NYAP2: variants seen among roughly 807,000 people sequenced by gnomAD.
The protein encoded by NYAP2 is neuronal tyrosine-phosphorylated phosphoinositide-3-kinase adapter 2.
Under a neutral mutation model 50.4 loss-of-function variants are expected in NYAP2, and 23 were observed. That is an observed-to-expected ratio of 0.46 (90% CI 0.33 to 0.65). The LOEUF (loss-of-function observed/expected upper bound fraction) is 0.65. Among genes scored for constraint, NYAP2 ranks in the 30% least tolerant of loss-of-function variants. NYAP2 has a pLI of 0.02. For missense variants in NYAP2, 885 were observed against 861.0 expected (o/e 1.03, Z -0.35); for synonymous variants, 394 against 365.2 (o/e 1.08, Z -0.90).
the NYAP2 span, among the ~76,000 whole-genome samples, chr2:225,688,999 C>A: frequency 6.6e-6 from 1 of 152,154 alleles, no homozygotes; most frequent in African/African-American, 2.4e-5. Flanking sequence ...GCCTCAGCCT[C>A]CCAAAGTGCT....
chr2:225,588,962 T>C (rs1263119139), intron 5 of NYAP2, among the ~76,000 whole-genome samples: 1 of 152,220 alleles, frequency 6.6e-6, no homozygotes, highest in Non-Finnish European at 1.5e-5. Flanking sequence ...TCACTTAAAT[T>C]CTTATTTCTG....
chr2:225,636,272 T>G (rs1208303894), intron 6 of NYAP2, among the ~76,000 whole-genome samples: 2 of 152,220 alleles, frequency 1.3e-5, no homozygotes, highest in Non-Finnish European at 2.9e-5. Context: ...GAGTGTTTCC[T>G]GCAGCTCACT....
chr2:225,607,515 G>A (rs374581695), intron 5 of NYAP2, among the ~76,000 whole-genome samples: 2 of 152,216 alleles, frequency 1.3e-5, no homozygotes, highest in East Asian at 1.9e-4. Flanking sequence ...ACTGACTCTA[G>A]CAGCAAGTCT....
intron 3 of NYAP2, 79 bp from the exon 4 acceptor site, chr2:225,513,292 A>G (rs1690865178): frequency 7.8e-7 from 1 of 1,284,360 alleles, no homozygotes; most frequent in Non-Finnish European, 1.1e-6. Flanking sequence ...TTTCCCTATT[A>G]GTAATATTCT....
the NYAP2 span, chr2:225,701,066 G>A: frequency 1.3e-5 from 2 of 151,780 alleles, no homozygotes; most frequent in African/African-American, 4.8e-5. Flanking sequence ...GAAAGATCTG[G>A]AAAAGTGGCT....
intron 5 of NYAP2, among the ~76,000 whole-genome samples, chr2:225,624,728 A>T (rs114382473): frequency 6.6e-6 from 1 of 152,292 alleles, no homozygotes; most frequent in Non-Finnish European, 1.5e-5. Context: ...ACTACTTTTT[A>T]TGTGTCTGGC....
intron 4 of NYAP2, among the ~76,000 whole-genome samples, chr2:225,579,094 G>GGAGAGAGAGAGA (rs34026452): frequency 6.8e-6 from 1 of 147,332 alleles, no homozygotes; most frequent in South Asian, 2.2e-4. Context: ...AGAAGAGAGG[G>GGAGAGAGAGAGA]GAGAGAGAGA....
intron 3 of NYAP2, among the ~76,000 whole-genome samples, chr2:225,500,722 C>A (rs761761671): frequency 2.0e-5 from 3 of 152,148 alleles, no homozygotes; most frequent in Non-Finnish European, 4.4e-5. Flanking sequence ...ACTTTTTTAT[C>A]TCAGTCTTCT....
intron 4 of NYAP2, among the ~76,000 whole-genome samples, chr2:225,576,753 CT>C (rs1276748897): frequency 6.6e-6 from 1 of 152,076 alleles, no homozygotes; most frequent in East Asian, 1.9e-4. Context: ...TAGCTTTTTC[CT>C]TTATGGGTTT....
the NYAP2 span, among the ~76,000 whole-genome samples, chr2:225,675,227 A>G: frequency 1.3e-5 from 2 of 152,046 alleles, no homozygotes; most frequent in Admixed American, 6.6e-5. Flanking sequence ...TGAGGTCCCA[A>G]TGATCCCATC....
At chr2:225,666,573 C>CAACA in the NYAP2 span, among the ~76,000 whole-genome samples, 1 of 151,964 alleles carries the variant, frequency 6.6e-6, no homozygotes, top group Non-Finnish European at 1.5e-5. Context: ...AGGTAAATTT[C>CAACA]AACATTTTTT....
At chr2:225,676,730 A>G in the NYAP2 span, among the ~76,000 whole-genome samples, 1 of 152,184 alleles carries the variant, frequency 6.6e-6, no homozygotes, top group Non-Finnish European at 1.5e-5. Context: ...ACATGTGGAA[A>G]TTATGGGAGC....
At chr2:225,433,713 A>G (rs1200667219) in intron 3 of NYAP2, among the ~76,000 whole-genome samples, 2 of 144,812 alleles carry the variant, frequency 1.4e-5, no homozygotes, top group African/African-American at 5.1e-5. Flanking sequence ...GCTACTCAGG[A>G]GGCTGAGGCA....
At chr2:225,574,744 A>G (rs1177659879) in intron 4 of NYAP2, among the ~76,000 whole-genome samples, 1 of 152,160 alleles carries the variant, frequency 6.6e-6, no homozygotes, top group Admixed American at 6.5e-5. Context: ...ACTTAAGGCT[A>G]TGGTCAGTGC....
chr2:225,434,411 C>A (rs1265208809), intron 3 of NYAP2, among the ~76,000 whole-genome samples: 1 of 152,162 alleles, frequency 6.6e-6, no homozygotes, highest in Non-Finnish European at 1.5e-5. Flanking sequence ...ACTGGCTGTT[C>A]TTAGAGTTTA....
intron 4 of NYAP2, among the ~76,000 whole-genome samples, chr2:225,517,231 A>G (rs974104973): frequency 6.6e-6 from 1 of 152,202 alleles, no homozygotes; most frequent in Admixed American, 6.6e-5. Flanking sequence ...TCAGTATACT[A>G]TAAATATTTT....
chr2:225,628,737 A>T (rs1693256862), intron 6 of NYAP2, among the ~76,000 whole-genome samples: 1 of 152,192 alleles, frequency 6.6e-6, no homozygotes. Context: ...AAGAATTATC[A>T]AAATTTGTAC....
chr2:225,531,943 G>A (rs898853453), intron 4 of NYAP2, among the ~76,000 whole-genome samples: 2 of 152,206 alleles, frequency 1.3e-5, no homozygotes, highest in Admixed American at 6.5e-5. Flanking sequence ...AGACTAATGT[G>A]TTGTTGGCAC....
At chr2:225,699,356 TGGA>T in the NYAP2 span, 1 of 151,930 alleles carries the variant, frequency 6.6e-6, no homozygotes, top group Non-Finnish European at 1.5e-5. Flanking sequence ...TTGATCTGAT[TGGA>T]GGAGACCAGG....
Sources: allele counts gnomAD v4.1 joint callset (sites outside exome capture counted in the v4.1 genomes callset), GRCh38; gene constraint gnomAD v4.1.1; transcripts MANE v1.5; gene names NCBI Gene and HGNC (gene_info 2026-07-23, HGNC 2026-07-21).